CNGA1: variants seen among roughly 807,000 people sequenced by gnomAD.
CNGA1 encodes the protein cyclic nucleotide-gated channel alpha-1.
Under a neutral mutation model 69.7 loss-of-function variants are expected in CNGA1, and 53 were observed. The ratio of observed to expected loss-of-function variants is 0.76; its 90% confidence interval spans 0.61 to 0.96. The LOEUF (loss-of-function observed/expected upper bound fraction) is 0.96, where lower values mean the gene tolerates loss of function less well. Ranked by LOEUF, CNGA1 falls within the 40% of genes least tolerant of loss-of-function variation. CNGA1 has a pLI of 0.00. For missense variants in CNGA1, 739 were observed against 811.2 expected (o/e 0.91, Z 1.08); for synonymous variants, 249 against 283.5 (o/e 0.88, Z 1.22).
chr4:48,014,575 T>C (rs189074898), intron 1 of CNGA1, among the ~76,000 whole-genome samples: 108 of 152,364 alleles, frequency 7.1e-4, no homozygotes, highest in African/African-American at 2.5e-3. Flanking sequence ...CCAGCTTTCT[T>C]GGTTAGCATC....
At chr4:48,015,319 C>T (rs1266370192) in intron 1 of CNGA1, among the ~76,000 whole-genome samples, 1 of 152,212 alleles carries the variant, frequency 6.6e-6, no homozygotes, top group Non-Finnish European at 1.5e-5. Flanking sequence ...TCCTTCTCTG[C>T]AAAGTCATCC....
chr4:47,958,621 CAAA>C (rs60052755), intron 3 of CNGA1, among the ~76,000 whole-genome samples: 2 of 140,408 alleles, frequency 1.4e-5, no homozygotes, highest in Admixed American at 7.2e-5. Context: ...GACTCCGCCT[CAAA>C]AAAAAAAAAA....
intron 2 of CNGA1, among the ~76,000 whole-genome samples, chr4:48,000,063 A>G (rs564689190): frequency 8.1e-4 from 124 of 152,282 alleles, no homozygotes; most frequent in African/African-American, 2.8e-3. Flanking sequence ...TCAGTAGAAT[A>G]GAAAATGTAG....
intron 3 of CNGA1, chr4:47,970,767 G>T: frequency 2.5e-6 from 1 of 392,894 alleles, no homozygotes; most frequent in Non-Finnish European, 5.0e-6. Flanking sequence ...CCTACCTCTG[G>T]TACCTTGTTA....
chr4:47,998,814 A>T (rs567488367), intron 2 of CNGA1, among the ~76,000 whole-genome samples: 1 of 152,272 alleles, frequency 6.6e-6, no homozygotes, highest in Admixed American at 6.5e-5. Flanking sequence ...AAATGCTTAC[A>T]TGAAAAGCCA....
At chr4:47,976,254 C>T (rs1183937256) in intron 3 of CNGA1, among the ~76,000 whole-genome samples, 3 of 28,374 alleles carry the variant, frequency 1.1e-4, no homozygotes, top group African/African-American at 8.3e-4. Context: ...TATATATATA[C>T]ACATACATAT....
intron 2 of CNGA1, among the ~76,000 whole-genome samples, chr4:47,996,905 TA>T (rs1742495225): frequency 6.6e-6 from 1 of 151,872 alleles, no homozygotes; most frequent in African/African-American, 2.4e-5. Context: ...TACGAAAATT[TA>T]AAAAATTAGC....
chr4:47,985,767 C>A (rs1414320241), intron 2 of CNGA1, among the ~76,000 whole-genome samples: 2 of 151,578 alleles, frequency 1.3e-5, no homozygotes, highest in Admixed American at 6.6e-5. Context: ...CCCACCCCCC[C>A]AAAAAAAACC....
chr4:47,962,534 T>C (rs1740507269), intron 3 of CNGA1, among the ~76,000 whole-genome samples: 1 of 152,164 alleles, frequency 6.6e-6, no homozygotes, highest in Admixed American at 6.5e-5. Flanking sequence ...TTCAGGTAAT[T>C]CTCACTACAA....
chr4:47,938,314 GAT>G (rs10558013), intron 10 of CNGA1, among the ~76,000 whole-genome samples: 119,343 of 149,384 alleles, frequency 0.8, 47,836 homozygotes, highest in East Asian at 0.98. Flanking sequence ...GATATTGTGA[GAT>G]ATATATATAT....
intron 3 of CNGA1, among the ~76,000 whole-genome samples, chr4:47,974,709 GT>G (rs35156293): frequency 8.9e-4 from 131 of 147,268 alleles, no homozygotes; most frequent in African/African-American, 1.7e-3. Context: ...GCAGAACTAA[GT>G]TTTTTTTTTT....
intron 3 of CNGA1, among the ~76,000 whole-genome samples, chr4:47,960,797 T>C (rs1377712838): frequency 1.3e-5 from 2 of 151,998 alleles, no homozygotes; most frequent in Admixed American, 6.6e-5. Flanking sequence ...CCCAAAAACA[T>C]GAAAGAAGCC....
chr4:47,976,493 T>C (rs576346139), intron 3 of CNGA1, among the ~76,000 whole-genome samples: 1 of 151,644 alleles, frequency 6.6e-6, no homozygotes, highest in Non-Finnish European at 1.5e-5. Context: ...ATAGTAACAA[T>C]AAAGATAAGT....
chr4:48,001,488 G>A (rs184559933), intron 2 of CNGA1, among the ~76,000 whole-genome samples: 51 of 152,166 alleles, frequency 3.4e-4, no homozygotes, highest in Non-Finnish European at 8.8e-5. Flanking sequence ...TAATAACACA[G>A]CTGATTTAGC....
At position 47,972,082 on chromosome 4, in the gene CNGA1, T is replaced by C. The variant is rs570620772; in HGVS notation, c.-15+9311A>G. ...CAATGTATAGTTTTGCACATGTATT[T>C]TAAGTTTGCAAAGCAGTATCTTCCT... is the stretch of plus-strand genomic sequence containing the variant. On this transcript the variant is annotated intron_variant, in intron 3 of 10. Transcript: ENST00000514170. Among the ~76,000 whole-genome samples the C allele has an allele frequency of 1.5e-4, 23 of 152,324 alleles. No homozygotes were observed. In the South Asian group the frequency reaches 4.4e-3, roughly 29 times the overall value.
At chr4:47,970,066 G>A (rs1406228977) in intron 3 of CNGA1, among the ~76,000 whole-genome samples, 1 of 152,178 alleles carries the variant, frequency 6.6e-6, no homozygotes, top group African/African-American at 2.4e-5. Flanking sequence ...TCTGGAAGAG[G>A]TTATTTCCAA....
Position 47,937,207 on chromosome 4 carries a change from A to C in CNGA1, c.1275T>G (p.Asp425Glu). ...QYMHFRNVSKDMEKRVIKWFD... is the reference protein window; with the variant it reads ...QYMHFRNVSKEMEKRVIKWFD... ...ACCATTTAATAACCCTCTTTTCCAT[A>C]TCTTTGCTTACATTTCGAAAATGCA... The change falls in exon 11 of 11, where the codon GAT becomes GAG. Residue 425 changes from aspartate to glutamate, a missense_variant. Transcript: ENST00000514170. 4 of 1,614,088 alleles carry C rather than the reference A, an allele frequency of 2.5e-6. No individual in the cohort carries two copies. Among genetic ancestry groups the C allele is most frequent in the Non-Finnish European group, 3.4e-6 (4 of 1,180,016 alleles).
intron 3 of CNGA1, among the ~76,000 whole-genome samples, chr4:47,960,676 A>C (rs1578087998): frequency 6.6e-6 from 1 of 152,048 alleles, no homozygotes; most frequent in East Asian, 1.9e-4. Context: ...GAAGCAACCC[A>C]TATTTTCATC....
intron 1 of CNGA1, 107 bp from the exon 2 acceptor site, chr4:48,011,000 A>G (rs1715135312): frequency 6.6e-6 from 1 of 152,346 alleles, no homozygotes; most frequent in Non-Finnish European, 1.5e-5. Context: ...GGGGGTTGCC[A>G]TTGCTGGCTC....
Sources: allele counts gnomAD v4.1 joint callset (sites outside exome capture counted in the v4.1 genomes callset), GRCh38; gene constraint gnomAD v4.1.1; transcripts MANE v1.5; gene names NCBI Gene and HGNC (gene_info 2026-07-23, HGNC 2026-07-21).